Variants in GRIK4 observed in about 807,000 individuals in gnomAD.
The protein encoded by GRIK4 is glutamate receptor ionotropic, kainate 4.
Under a neutral mutation model 104.9 loss-of-function variants are expected in GRIK4, and 40 were observed. The ratio of observed to expected loss-of-function variants is 0.38; its 90% CI spans 0.30 to 0.50. The LOEUF is 0.50. Ranked by LOEUF, GRIK4 falls within the 20% of genes least tolerant of loss-of-function variation. The pLI, the probability that GRIK4 is intolerant of heterozygous loss-of-function variation, is 0.93. For synonymous variants in GRIK4, 485 were observed against 524.9 expected, an observed-to-expected ratio of 0.92 and a Z score of 1.04; for missense variants, 1,047 against 1,308.1, an observed-to-expected ratio of 0.80 and a Z score of 3.08.
At chr11:120,875,936 A>G (rs1954776566) in intron 11 of GRIK4, among the ~76,000 whole-genome samples, 1 of 152,010 alleles carries the variant, frequency 6.6e-6, no homozygotes, top group African/African-American at 2.4e-5. Flanking sequence ...TCAACTCCCT[A>G]TTATTTGGCT....
At chr11:120,552,986 T>C (rs1296343825) in intron 1 of GRIK4, among the ~76,000 whole-genome samples, 1 of 131,870 alleles carries the variant, frequency 7.6e-6, no homozygotes, top group Non-Finnish European at 1.6e-5. Context: ...GGGGACAGAG[T>C]GAGACTCCGT....
At position 120,779,201 on chromosome 11, in the gene GRIK4, C is replaced by T. The variant is rs80070821; in HGVS notation, c.83-23492C>T. Among the ~76,000 whole-genome samples, 633 of 152,274 alleles carry T rather than the reference C, an allele frequency of 4.2e-3. 5 individuals carry two copies. The highest frequency in any genetic ancestry group is 0.015 in the African/African-American group (615 of 41,536). On this transcript the variant is annotated intron_variant, in intron 3 of 20. Coordinates refer to ENST00000527524, the MANE Select transcript of GRIK4 (RefSeq NM_014619.5). ...CTGTGACAGACAGGGGACCGACCAA[C>T]CATTCTTGGAGAAGGTAGTCCGCAG...
chr11:120,799,137 G>T (rs559781094), intron 3 of GRIK4, among the ~76,000 whole-genome samples: 1 of 152,190 alleles, frequency 6.6e-6, no homozygotes, highest in Non-Finnish European at 1.5e-5. Context: ...CAGGCCCACA[G>T]GGGACATGCT....
At chr11:120,720,909 A>C (rs1950921152) in intron 3 of GRIK4, among the ~76,000 whole-genome samples, 2 of 152,152 alleles carry the variant, frequency 1.3e-5, no homozygotes, top group African/African-American at 4.8e-5. Flanking sequence ...ATGCAAAGAC[A>C]GAAGAGAGAG....
At chr11:120,889,053 T>C (rs1955199156) in intron 11 of GRIK4, among the ~76,000 whole-genome samples, 1 of 152,174 alleles carries the variant, frequency 6.6e-6, no homozygotes, top group Non-Finnish European at 1.5e-5. Context: ...ATTTGATGGT[T>C]CCCTCTGCTA....
chr11:120,880,361 C>T (rs879429770), intron 11 of GRIK4, among the ~76,000 whole-genome samples: 8 of 152,158 alleles, frequency 5.3e-5, no homozygotes, highest in African/African-American at 1.9e-4. Context: ...TTCATCATTT[C>T]GTCAACCCTG....
chr11:120,882,302 T>C (rs948932543), intron 11 of GRIK4, among the ~76,000 whole-genome samples: 2 of 152,144 alleles, frequency 1.3e-5, no homozygotes, highest in African/African-American at 2.4e-5. Context: ...CATTTTCAAT[T>C]TGAGGAAGGA....
intron 1 of GRIK4, among the ~76,000 whole-genome samples, chr11:120,640,210 A>C (rs2135198809): frequency 6.6e-6 from 1 of 152,370 alleles, no homozygotes; most frequent in Non-Finnish European, 1.5e-5. Flanking sequence ...TCAGTATATT[A>C]GTAATCCTAG....
intron 3 of GRIK4, among the ~76,000 whole-genome samples, chr11:120,776,517 C>T (rs2852217): frequency 0.77 from 117,623 of 152,202 alleles, 45,901 homozygotes; most frequent in African/African-American, 0.87. Flanking sequence ...TGGATGCTCT[C>T]AGAGGGGAAT....
chr11:120,970,999 G>A (rs1460051876), intron 19 of GRIK4, among the ~76,000 whole-genome samples: 1 of 152,156 alleles, frequency 6.6e-6, no homozygotes, highest in Non-Finnish European at 1.5e-5. Context: ...TAATAGCATG[G>A]CCACCTCCCA....
chr11:120,820,199 C>T (rs1049646753), intron 6 of GRIK4, among the ~76,000 whole-genome samples: 1 of 152,034 alleles, frequency 6.6e-6, no homozygotes, highest in Non-Finnish European at 1.5e-5. Context: ...CCAGGACTCC[C>T]TGGGCATGAG....
chr11:120,925,103 G>T (rs1197909662), intron 13 of GRIK4, among the ~76,000 whole-genome samples: 2 of 152,198 alleles, frequency 1.3e-5, no homozygotes, highest in Admixed American at 6.5e-5. Flanking sequence ...AGCTGTAGGG[G>T]ATGGGGTGAA....
chr11:120,673,041 G>A (rs10892598), intron 3 of GRIK4, among the ~76,000 whole-genome samples: 9 of 152,176 alleles, frequency 5.9e-5, no homozygotes, highest in Non-Finnish European at 7.4e-5. Context: ...TTGCCCAGTC[G>A]GTATGATATT....
chr11:120,954,608 A>G (rs946408130), intron 15 of GRIK4, among the ~76,000 whole-genome samples: 3 of 151,984 alleles, frequency 2.0e-5, no homozygotes, highest in Non-Finnish European at 4.4e-5. Flanking sequence ...AGATACATAC[A>G]AGCCTGCTTC....
At chr11:120,660,190 C>G in intron 2 of GRIK4, 79 bp from the exon 3 acceptor site, 1 of 679,670 alleles carries the variant, frequency 1.5e-6, no homozygotes, top group South Asian at 1.7e-5. Flanking sequence ...CTCTCCGGCT[C>G]CTGGGTGTCA....
intron 16 of GRIK4, 82 bp downstream of exon 16, chr11:120,957,035 TAGAGCCCC>T: frequency 8.1e-7 from 1 of 1,235,546 alleles, no homozygotes; most frequent in Non-Finnish European, 1.1e-6. Flanking sequence ...CTCTAGCTTC[TAGAGCCCC>T]AGAGCCTCTG....
intron 12 of GRIK4, among the ~76,000 whole-genome samples, chr11:120,904,758 C>A (rs1942828768): frequency 6.6e-6 from 1 of 152,180 alleles, no homozygotes; most frequent in African/African-American, 2.4e-5. Flanking sequence ...CACAGCCCTT[C>A]CATCTCTCAG....
At chr11:120,957,098 G>A in intron 16 of GRIK4, 145 bp downstream of exon 16, 1 of 664,542 alleles carries the variant, frequency 1.5e-6, no homozygotes, top group South Asian at 2.4e-5. Flanking sequence ...CTTTCTGCCA[G>A]CTCAGAAGCT....
intron 11 of GRIK4, among the ~76,000 whole-genome samples, chr11:120,881,593 T>C (rs112666800): frequency 0.025 from 3,743 of 152,268 alleles, 144 homozygotes; most frequent in African/African-American, 0.084. Flanking sequence ...CTTTCCTGAG[T>C]CACCCTTGCG....
Sources: gnomAD v4.1 joint callset for allele counts (sites outside exome capture counted in the v4.1 genomes callset) on GRCh38, gnomAD v4.1.1 for gene constraint, MANE v1.5 for transcripts, NCBI Gene and HGNC (gene_info 2026-07-23, HGNC 2026-07-21) for gene names.